Variants in TSHZ2 observed in about 807,000 individuals in gnomAD.
The protein encoded by TSHZ2 is teashirt homolog 2.
In TSHZ2, 21 loss-of-function variants were observed where a neutral mutation model predicts 74.4. That is an observed-to-expected ratio of 0.28 (90% CI 0.20 to 0.41). The LOEUF (loss-of-function observed/expected upper bound fraction) is 0.41. Ranked by LOEUF, TSHZ2 falls within the 10% of genes least tolerant of loss-of-function variation. The probability of loss-of-function intolerance (pLI) is 1.00; values close to 1 mark genes in which losing one functional copy is unlikely to be tolerated. For missense variants in TSHZ2, 1,244 were observed against 1,293.5 expected, an observed-to-expected ratio of 0.96 and a Z score of 0.59; for synonymous variants, 540 against 515.3, an observed-to-expected ratio of 1.05 and a Z score of -0.65.
intron 2 of TSHZ2, among the ~76,000 whole-genome samples, chr20:53,304,726 G>T (rs1978451550): frequency 6.6e-6 from 1 of 152,088 alleles, no homozygotes; most frequent in Non-Finnish European, 1.5e-5. Flanking sequence ...CTGCCTCCCG[G>T]GTTCAAGTGA....
intron 1 of TSHZ2, among the ~76,000 whole-genome samples, chr20:53,114,098 G>GA (rs3971634): frequency 0.025 from 3,045 of 120,306 alleles, 42 homozygotes; most frequent in African/African-American, 0.032. Context: ...TGTCTCTTAT[G>GA]AAAAAAAAAA....
chr20:53,149,385 G>C (rs372156545), intron 1 of TSHZ2, among the ~76,000 whole-genome samples: 72 of 152,190 alleles, frequency 4.7e-4, no homozygotes, highest in African/African-American at 1.6e-3. Context: ...TCCAAAGAAA[G>C]CTGTGTGTAA....
At chr20:53,344,407 G>A (rs919964233) in intron 2 of TSHZ2, among the ~76,000 whole-genome samples, 5 of 152,104 alleles carry the variant, frequency 3.3e-5, no homozygotes, top group Admixed American at 2.0e-4. Flanking sequence ...CCACCCTACC[G>A]CTGAATTGAC....
chr20:53,210,727 G>A (rs924665829), intron 1 of TSHZ2, among the ~76,000 whole-genome samples: 2 of 152,014 alleles, frequency 1.3e-5, no homozygotes, highest in South Asian at 2.1e-4. Flanking sequence ...TTGATGGGGG[G>A]GCTCTTTGCT....
At chr20:53,437,699 G>T (rs747901123) in intron 2 of TSHZ2, among the ~76,000 whole-genome samples, 1 of 152,204 alleles carries the variant, frequency 6.6e-6, no homozygotes, top group Non-Finnish European at 1.5e-5. Context: ...CAATGTTGGA[G>T]GTGGGGCCCA....
intron 1 of TSHZ2, among the ~76,000 whole-genome samples, chr20:53,096,475 A>C (rs962465702): frequency 2.6e-5 from 4 of 152,188 alleles, no homozygotes; most frequent in Non-Finnish European, 5.9e-5. Flanking sequence ...GTGAGATTTC[A>C]GTGATTATAA....
chr20:53,384,261 C>T (rs781220401), intron 2 of TSHZ2, among the ~76,000 whole-genome samples: 29 of 152,038 alleles, frequency 1.9e-4, no homozygotes, highest in African/African-American at 3.4e-4. Context: ...AGAAACTAGA[C>T]GGGGAAGAAA....
chr20:53,421,681 G>GTTTTTTTTTTTTTTTTTTTTTTTTTTTT (rs34083391), intron 2 of TSHZ2: 2 of 85,578 alleles, frequency 2.3e-5, no homozygotes, highest in African/African-American at 1.1e-4. Flanking sequence ...TATGTTTTTG[G>GTTTTTTTTTTTTTTTTTTTTTTTTTTTT]TTTTTTTTTT....
chr20:53,391,760 T>C (rs527887315), intron 2 of TSHZ2, among the ~76,000 whole-genome samples: 51 of 152,290 alleles, frequency 3.3e-4, no homozygotes, highest in Non-Finnish European at 2.8e-4. Flanking sequence ...GTGGCCAACA[T>C]GGCGAAACCC....
intron 1 of TSHZ2, among the ~76,000 whole-genome samples, chr20:53,170,181 C>T (rs956651539): frequency 2.0e-5 from 3 of 152,118 alleles, no homozygotes; most frequent in African/African-American, 2.4e-5. Flanking sequence ...CTTTGTCTTT[C>T]GATTACACTG....
chr20:53,099,133 C>T (rs1986143731), intron 1 of TSHZ2, among the ~76,000 whole-genome samples: 1 of 152,138 alleles, frequency 6.6e-6, no homozygotes, highest in Non-Finnish European at 1.5e-5. Context: ...ATGGAATGAT[C>T]TTCTATTGAC....
chr20:53,407,749 G>T (rs1213587158), intron 2 of TSHZ2, among the ~76,000 whole-genome samples: 1 of 152,144 alleles, frequency 6.6e-6, no homozygotes, highest in Non-Finnish European at 1.5e-5. Context: ...TTCACATGCA[G>T]GTTGCCCATT....
At chr20:53,068,176 G>T (rs967720997) in intron 1 of TSHZ2, among the ~76,000 whole-genome samples, 2 of 152,124 alleles carry the variant, frequency 1.3e-5, no homozygotes, top group African/African-American at 4.8e-5. Flanking sequence ...TCTGAATAAC[G>T]TCATATTCAC....
intron 2 of TSHZ2, among the ~76,000 whole-genome samples, chr20:53,288,312 G>T (rs1991207003): frequency 6.6e-6 from 1 of 151,740 alleles, no homozygotes; most frequent in African/African-American, 2.4e-5. Context: ...GCTGAGGCAG[G>T]AGAATTGCTT....
chr20:53,180,091 G>A (rs535908709), intron 1 of TSHZ2, among the ~76,000 whole-genome samples: 1 of 152,330 alleles, frequency 6.6e-6, no homozygotes, highest in South Asian at 2.1e-4. Flanking sequence ...GGTTCATGTG[G>A]CATTGAGTAC....
intron 1 of TSHZ2, among the ~76,000 whole-genome samples, chr20:53,204,436 TATG>T (rs1373521440): frequency 4.6e-5 from 7 of 151,098 alleles, no homozygotes; most frequent in East Asian, 2.0e-4. Flanking sequence ...TATATCATAA[TATG>T]ATATAATATT....
At chr20:53,357,634 C>T (rs146545703) in intron 2 of TSHZ2, among the ~76,000 whole-genome samples, 221 of 152,268 alleles carry the variant, frequency 1.5e-3, no homozygotes, top group African/African-American at 2.7e-3. Flanking sequence ...GAAACAATTA[C>T]GTACTCATGA....
intron 1 of TSHZ2, among the ~76,000 whole-genome samples, chr20:53,177,620 G>A (rs1313102577): frequency 2.0e-5 from 3 of 152,070 alleles, no homozygotes; most frequent in Non-Finnish European, 2.9e-5. Context: ...CATTTAAAAA[G>A]ATATTAAAAA....
rs374181161 is a variant in TSHZ2 at position 53,078,499 on chromosome 20, T to G, written c.40+105166T>G. Among the ~76,000 whole-genome samples the G allele has an allele frequency of 6.6e-5, 10 of 152,230 alleles. No homozygotes were observed. In the East Asian group the frequency reaches 1.5e-3, roughly 23 times the overall value. On this transcript the variant is annotated intron_variant, in intron 1 of 2. Coordinates refer to ENST00000371497, the MANE Select transcript of TSHZ2 (RefSeq NM_173485.6). Reference sequence around the variant, plus strand: ...GGACTCTGGCATATTTGGGATCATGTTAACACTTTTCGATGTGGTCTTTGA... The same window carrying G: ...GGACTCTGGCATATTTGGGATCATGGTAACACTTTTCGATGTGGTCTTTGA...
Sources: gnomAD v4.1 joint callset for allele counts (sites outside exome capture counted in the v4.1 genomes callset) on GRCh38, gnomAD v4.1.1 for gene constraint, MANE v1.5 for transcripts, NCBI Gene and HGNC (gene_info 2026-07-23, HGNC 2026-07-21) for gene names.